FRMD5: variants seen among roughly 807,000 people sequenced by gnomAD.
FRMD5 encodes the protein FERM domain containing 5.
A neutral mutation model predicts 69.0 loss-of-function variants in FRMD5; 20 were observed. That is an observed-to-expected ratio of 0.29 (90% CI 0.20 to 0.42). The LOEUF (loss-of-function observed/expected upper bound fraction) is 0.42, where lower values mean the gene tolerates loss of function less well. FRMD5 is among the 10% of genes least tolerant of loss of function. The pLI is 1.00. For synonymous variants in FRMD5, 271 were observed against 260.1 expected, an observed-to-expected ratio of 1.04 and a Z score of -0.40; for missense variants, 595 against 708.6, an observed-to-expected ratio of 0.84 and a Z score of 1.82.
chr15:43,952,553 G>A (rs1034696034), intron 1 of FRMD5, among the ~76,000 whole-genome samples: 2 of 152,242 alleles, frequency 1.3e-5, no homozygotes, highest in African/African-American at 4.8e-5. Context: ...CGGCCATCAT[G>A]CAGAGGGAAC....
At chr15:43,987,707 G>A (rs1477900148) in intron 1 of FRMD5, among the ~76,000 whole-genome samples, 4 of 151,854 alleles carry the variant, frequency 2.6e-5, no homozygotes, top group South Asian at 2.1e-4. Flanking sequence ...GCATCACCAC[G>A]CCTGGCTAAT....
At chr15:44,034,995 T>G (rs1891845526) in intron 1 of FRMD5, among the ~76,000 whole-genome samples, 1 of 152,230 alleles carries the variant, frequency 6.6e-6, no homozygotes, top group African/African-American at 2.4e-5. Context: ...GCTCCCCATT[T>G]CCACTGGCCT....
intron 1 of FRMD5, among the ~76,000 whole-genome samples, chr15:44,102,356 G>C (rs1261010516): frequency 1.3e-5 from 2 of 152,232 alleles, no homozygotes; most frequent in African/African-American, 4.8e-5. Flanking sequence ...GGAAGGAGTT[G>C]TCAGGAATAT....
At chr15:43,891,697 C>T (rs1391045966) in intron 8 of FRMD5, among the ~76,000 whole-genome samples, 4 of 152,160 alleles carry the variant, frequency 2.6e-5, no homozygotes, top group Admixed American at 1.3e-4. Flanking sequence ...AACTTTGCTC[C>T]GCTAACACTG....
At chr15:43,991,441 T>TTGC (rs971921092) in intron 1 of FRMD5, among the ~76,000 whole-genome samples, 5 of 152,190 alleles carry the variant, frequency 3.3e-5, no homozygotes, top group Admixed American at 6.5e-5. Flanking sequence ...GGACAGGTCT[T>TTGC]TGCTGCTGCT....
chr15:43,910,522 C>T (rs950258317), intron 4 of FRMD5, among the ~76,000 whole-genome samples: 3 of 137,116 alleles, frequency 2.2e-5, no homozygotes, highest in African/African-American at 5.9e-5. Context: ...AAGAGTGAGC[C>T]GAGATTGTGC....
chr15:44,036,376 G>C lies in FRMD5; in HGVS notation c.103-112067C>G, dbSNP rs112438323. On this transcript the variant is annotated intron_variant, in intron 1 of 13. Transcript: ENST00000417257. ...AAATTAAAAAAAAAAAACCCTCCTG[G>C]GTCCCTTCTAATTACTATTTCTGAC... 4.7e-3 allele frequency among the ~76,000 whole-genome samples: 713 copies of C among 152,004 alleles called. 8 individuals are homozygous for C. The highest frequency in any genetic ancestry group is 0.016 in the African/African-American group (677 of 41,460).
intron 1 of FRMD5, among the ~76,000 whole-genome samples, chr15:44,125,959 G>T (rs894286593): frequency 1.3e-5 from 2 of 152,212 alleles, no homozygotes; most frequent in African/African-American, 4.8e-5. Flanking sequence ...TTTTGAAAAT[G>T]TAAGTAGTCT....
At chr15:44,096,770 T>C (rs2140506471) in intron 1 of FRMD5, among the ~76,000 whole-genome samples, 1 of 152,256 alleles carries the variant, frequency 6.6e-6, no homozygotes, top group Non-Finnish European at 1.5e-5. Context: ...AGGGCAGTCC[T>C]TGACCCAGCC....
rs1377711955 is a variant in FRMD5 at position 43,989,546 on chromosome 15, T to G, written c.103-65237A>C. On this transcript the variant is annotated intron_variant, in intron 1 of 13. Coordinates refer to ENST00000417257, the MANE Select transcript of FRMD5 (RefSeq NM_032892.5). ...CAGGGTGACATAGCACAGCTTCTCC[T>G]TGATGTCATGCACAATTTCCCGCTT... 7 of 887,706 alleles carry G rather than the reference T, an allele frequency of 7.9e-6. No individual in the cohort carries two copies. In the African/African-American group the frequency reaches 1.1e-4, roughly 15 times the overall value. The allele number at this position is 887,706 out of a possible 1,614,324, so 55.0% of individuals were successfully genotyped here.
At chr15:44,116,633 G>C (rs1229388920) in intron 1 of FRMD5, among the ~76,000 whole-genome samples, 2 of 152,200 alleles carry the variant, frequency 1.3e-5, no homozygotes, top group African/African-American at 4.8e-5. Context: ...GGTTGGGAGA[G>C]AGGGAGAAGG....
At chr15:44,162,888 A>C (rs1412261307) in intron 1 of FRMD5, among the ~76,000 whole-genome samples, 1 of 147,818 alleles carries the variant, frequency 6.8e-6, no homozygotes, top group Non-Finnish European at 1.5e-5. Context: ...AAAAAAAAAA[A>C]ACAAGGCTGG....
intron 1 of FRMD5, among the ~76,000 whole-genome samples, chr15:44,018,402 T>G (rs1329843984): frequency 6.6e-6 from 1 of 152,202 alleles, no homozygotes; most frequent in Non-Finnish European, 1.5e-5. Context: ...TTAATGGCTG[T>G]CTGCATAAAG....
intron 1 of FRMD5, among the ~76,000 whole-genome samples, chr15:44,003,103 T>TA (rs1890284886): frequency 1.3e-5 from 2 of 152,296 alleles, no homozygotes; most frequent in South Asian, 2.1e-4. Context: ...GTTGCTCAGA[T>TA]AAAAAACCCT....
At chr15:44,120,282 C>A (rs181602192) in intron 1 of FRMD5, among the ~76,000 whole-genome samples, 57 of 152,124 alleles carry the variant, frequency 3.7e-4, no homozygotes, top group African/African-American at 1.4e-3. Flanking sequence ...TGTCTAGAGG[C>A]AGGAAGATTA....
intron 1 of FRMD5, among the ~76,000 whole-genome samples, chr15:44,091,328 C>T (rs2076469311): frequency 6.6e-6 from 1 of 151,926 alleles, no homozygotes. Flanking sequence ...ACATATATAG[C>T]CTGATATATA....
chr15:44,167,177 G>A (rs1011002447), intron 1 of FRMD5, among the ~76,000 whole-genome samples: 4 of 152,026 alleles, frequency 2.6e-5, no homozygotes, highest in Non-Finnish European at 5.9e-5. Context: ...TTCAAGCCTG[G>A]GCAATGTAGT....
chr15:44,197,105 G>A (rs2078315963), upstream of FRMD5, among the ~76,000 whole-genome samples: 6 of 152,086 alleles, frequency 3.9e-5, no homozygotes, highest in Admixed American at 3.9e-4. Context: ...GGAGGCTGAG[G>A]CAGGAGAATC....
intron 1 of FRMD5, chr15:43,989,607 G>C: frequency 1.2e-6 from 1 of 856,010 alleles, no homozygotes; most frequent in Non-Finnish European, 2.0e-6. Context: ...TGCTAGGTGA[G>C]GACCTTCATG....
Sources: gnomAD v4.1 joint callset for allele counts (sites outside exome capture counted in the v4.1 genomes callset) on GRCh38, gnomAD v4.1.1 for gene constraint, MANE v1.5 for transcripts, NCBI Gene and HGNC (gene_info 2026-07-23, HGNC 2026-07-21) for gene names.